The following KCNAB1 variants were observed in gnomAD, a reference collection of about 807,000 sequenced individuals.
KCNAB1 encodes potassium voltage-gated channel subfamily A regulatory beta subunit 1.
In KCNAB1, 35 loss-of-function variants were observed where a neutral mutation model predicts 64.6. The observed-to-expected ratio is 0.54, with a 90% CI of 0.41 to 0.72. The LOEUF is 0.72. Ranked by LOEUF, KCNAB1 falls within the 30% of genes least tolerant of loss-of-function variation. The probability of loss-of-function intolerance (pLI) is 0.00; values close to 1 mark genes in which losing one functional copy is unlikely to be tolerated. For missense variants in KCNAB1, 401 were observed against 512.9 expected (o/e 0.78, Z 2.11); for synonymous variants, 177 against 183.8 (o/e 0.96, Z 0.30).
chr3:156,221,013 G>T (rs1164608885), intron 1 of KCNAB1, among the ~76,000 whole-genome samples: 3 of 152,202 alleles, frequency 2.0e-5, no homozygotes, highest in African/African-American at 7.2e-5. Flanking sequence ...TTTTGTCAAA[G>T]ATCAGATGGT....
intron 8 of KCNAB1, among the ~76,000 whole-genome samples, chr3:156,493,301 C>T (rs1715766695): frequency 6.6e-6 from 1 of 152,096 alleles, no homozygotes. Flanking sequence ...GCCAGATAAT[C>T]CATTGCAGGA....
chr3:156,404,431 AATG>A (rs1016614050), intron 1 of KCNAB1, among the ~76,000 whole-genome samples: 20 of 152,272 alleles, frequency 1.3e-4, no homozygotes, highest in African/African-American at 4.8e-4. Flanking sequence ...ACAGCATACA[AATG>A]ATGGATTGTC....
intron 2 of KCNAB1, chr3:156,446,663 C>A (rs1455411325): frequency 6.6e-6 from 1 of 152,162 alleles, no homozygotes; most frequent in African/African-American, 2.4e-5. Context: ...TTCTCTCACA[C>A]CCTACACATC....
chr3:156,267,941 A>G (rs1478834370), intron 1 of KCNAB1, among the ~76,000 whole-genome samples: 1 of 151,974 alleles, frequency 6.6e-6, no homozygotes. Context: ...ATTATTGACC[A>G]TAGTCACCTG....
intron 1 of KCNAB1, among the ~76,000 whole-genome samples, chr3:156,248,636 T>C (rs917063620): frequency 2.6e-5 from 4 of 152,178 alleles, no homozygotes; most frequent in African/African-American, 4.8e-5. Flanking sequence ...ATAATCTCAT[T>C]GCATATAAAT....
At chr3:156,299,182 G>T (rs552779202) in intron 1 of KCNAB1, among the ~76,000 whole-genome samples, 9 of 152,338 alleles carry the variant, frequency 5.9e-5, no homozygotes, top group African/African-American at 1.9e-4. Flanking sequence ...CAGCTTCTTG[G>T]GTAGGCCCCA....
intron 1 of KCNAB1, among the ~76,000 whole-genome samples, chr3:156,314,544 T>C (rs1722147134): frequency 1.3e-5 from 2 of 152,226 alleles, no homozygotes; most frequent in Non-Finnish European, 2.9e-5. Flanking sequence ...GGAAGCAGTA[T>C]GGGCAGGATT....
intron 1 of KCNAB1, among the ~76,000 whole-genome samples, chr3:156,391,312 T>C (rs1713022901): frequency 6.6e-6 from 1 of 152,246 alleles, no homozygotes; most frequent in Non-Finnish European, 1.5e-5. Context: ...ACATCCGAGA[T>C]TAACTAAAAC....
intron 4 of KCNAB1, among the ~76,000 whole-genome samples, chr3:156,458,180 A>G (rs1189042875): frequency 1.3e-5 from 2 of 152,182 alleles, no homozygotes; most frequent in East Asian, 1.9e-4. Context: ...GTCACATCCA[A>G]CTGCAACCTT....
chr3:156,156,541 T>G (rs2108301987), intron 1 of KCNAB1, among the ~76,000 whole-genome samples: 1 of 152,252 alleles, frequency 6.6e-6, no homozygotes, highest in East Asian at 1.9e-4. Flanking sequence ...TCTGGAACTG[T>G]TATAAAAGTA....
At chr3:156,436,124 G>A (rs1248326668) in intron 2 of KCNAB1, among the ~76,000 whole-genome samples, 5 of 151,906 alleles carry the variant, frequency 3.3e-5, no homozygotes, top group Admixed American at 2.0e-4. Context: ...CTGTATTCAT[G>A]TATTCTCATT....
chr3:156,404,117 C>T (rs1576823859), intron 1 of KCNAB1, among the ~76,000 whole-genome samples: 1 of 152,102 alleles, frequency 6.6e-6, no homozygotes, highest in Non-Finnish European at 1.5e-5. Context: ...CCTGTAAAAA[C>T]GTGTATATTG....
At chr3:156,535,076 T>C (rs1718963131) in intron 13 of KCNAB1, among the ~76,000 whole-genome samples, 1 of 152,192 alleles carries the variant, frequency 6.6e-6, no homozygotes, top group Admixed American at 6.5e-5. Flanking sequence ...ACAATCTCAT[T>C]TTAAATAACA....
At chr3:156,275,944 C>A (rs139746635) in intron 1 of KCNAB1, among the ~76,000 whole-genome samples, 53 of 152,044 alleles carry the variant, frequency 3.5e-4, no homozygotes, top group African/African-American at 1.3e-3. Context: ...TTCTTAATGG[C>A]ATCTAGAATG....
chr3:156,308,062 A>G (rs1307163381), intron 1 of KCNAB1, among the ~76,000 whole-genome samples: 1 of 152,244 alleles, frequency 6.6e-6, no homozygotes, highest in Non-Finnish European at 1.5e-5. Flanking sequence ...TGCTATGAAG[A>G]TAAGCTGAGC....
chr3:156,252,778 A>G (rs1225966829), intron 1 of KCNAB1, among the ~76,000 whole-genome samples: 1 of 152,204 alleles, frequency 6.6e-6, no homozygotes, highest in Non-Finnish European at 1.5e-5. Context: ...TCAGTGCAGG[A>G]GCTTACACGG....
At chr3:156,171,194 T>TACACACACACACACACACAC (rs779486541) in intron 1 of KCNAB1, among the ~76,000 whole-genome samples, 13 of 147,604 alleles carry the variant, frequency 8.8e-5, no homozygotes, top group African/African-American at 3.3e-4. Context: ...CACGCACACA[T>TACACACACACACACACACAC]ACACACACAC....
intron 1 of KCNAB1, chr3:156,273,473 G>A: frequency 7.3e-6 from 3 of 408,592 alleles, no homozygotes; most frequent in Non-Finnish European, 1.5e-5. Flanking sequence ...TCTGCCCAAT[G>A]TAGCTTTCCG....
intron 1 of KCNAB1, among the ~76,000 whole-genome samples, chr3:156,180,789 C>G (rs985209974): frequency 2.0e-5 from 3 of 152,120 alleles, no homozygotes; most frequent in Non-Finnish European, 4.4e-5. Context: ...GAGTGTCATG[C>G]AGGTCTCAGG....
Sources: gnomAD v4.1 joint callset for allele counts (sites outside exome capture counted in the v4.1 genomes callset) on GRCh38, gnomAD v4.1.1 for gene constraint, MANE v1.5 for transcripts, NCBI Gene and HGNC (gene_info 2026-07-23, HGNC 2026-07-21) for gene names.